Variants in ZNF521 observed in about 807,000 individuals in gnomAD.
The protein encoded by ZNF521 is LYST-interacting protein 3.
A neutral mutation model predicts 105.5 loss-of-function variants in ZNF521; 14 were observed. The ratio of observed to expected loss-of-function variants is 0.13; its 90% CI spans 0.09 to 0.21. The LOEUF is 0.21. Among genes scored for constraint, ZNF521 ranks in the 10% least tolerant of loss-of-function variants. The pLI is 1.00. For synonymous variants in ZNF521, 635 were observed against 606.0 expected, an observed-to-expected ratio of 1.05 and a Z score of -0.70; for missense variants, 1,233 against 1,629.7, an observed-to-expected ratio of 0.76 and a Z score of 4.19.
chr18:25,226,427 T>C lies in ZNF521; in HGVS notation c.1491A>G (p.Arg497=), dbSNP rs1906135098. The change falls in exon 4 of 8, where the codon CGA becomes CGG. Residue 497 remains arginine (R), a synonymous_variant. Transcript: ENST00000361524. This position sits in a 1 kb window ranked among gnomAD's most constrained non-coding sequence, Gnocchi z 4.1. Reference sequence around the variant, plus strand: ...CAGGGTTTGCAAATCCATGAGAACATCGGATGTGTTCCTGAAGAGTGTTGA... The same window carrying C: ...CAGGGTTTGCAAATCCATGAGAACACCGGATGTGTTCCTGAAGAGTGTTGA... The part of the protein sequence containing the change: ...NDLNTLQEHI[R]CSHGFANPAA... 2 of 1,613,932 alleles carry C rather than the reference T, an allele frequency of 1.2e-6. No homozygotes were observed. Among genetic ancestry groups the C allele is most frequent in the Non-Finnish European group, 1.7e-6 (2 of 1,180,002 alleles).
intron 5 of ZNF521, among the ~76,000 whole-genome samples, chr18:25,146,021 TA>T (rs11314296): frequency 0.25 from 37,892 of 151,946 alleles, 5,672 homozygotes; most frequent in Non-Finnish European, 0.33. Flanking sequence ...GCATGGTGCT[TA>T]ATGTTTTTAA....
chr18:25,301,930 T>C (rs1228361012), intron 3 of ZNF521: 1 of 152,212 alleles, frequency 6.6e-6, no homozygotes, highest in African/African-American at 2.4e-5. Context: ...TGATTCATTA[T>C]TGATTTCACC....
At chr18:25,213,081 C>T (rs911856114) in intron 4 of ZNF521, among the ~76,000 whole-genome samples, 2 of 151,030 alleles carry the variant, frequency 1.3e-5, no homozygotes, top group African/African-American at 2.4e-5. Context: ...CTACATCACC[C>T]AGCATGCCTT....
intron 7 of ZNF521, among the ~76,000 whole-genome samples, chr18:25,069,211 T>G (rs1212975436): frequency 6.6e-6 from 1 of 152,186 alleles, no homozygotes; most frequent in Non-Finnish European, 1.5e-5. Flanking sequence ...CCTCTCTCCT[T>G]TTCATTCCCA....
At chr18:25,334,338 C>T (rs1913755161) in intron 2 of ZNF521, among the ~76,000 whole-genome samples, 1 of 152,092 alleles carries the variant, frequency 6.6e-6, no homozygotes, top group African/African-American at 2.4e-5. Flanking sequence ...ATTATTTCTA[C>T]ATCTTGATTT....
At chr18:25,312,912 G>C (rs1912398339) in intron 3 of ZNF521, among the ~76,000 whole-genome samples, 1 of 151,878 alleles carries the variant, frequency 6.6e-6, no homozygotes, top group Non-Finnish European at 1.5e-5. Flanking sequence ...TGGGAGCCCT[G>C]ACAGTTGAAC....
At chr18:25,287,323 G>A (rs557708010) in intron 3 of ZNF521, among the ~76,000 whole-genome samples, 2 of 152,276 alleles carry the variant, frequency 1.3e-5, no homozygotes, top group South Asian at 2.1e-4. Flanking sequence ...ACTCTTAAGC[G>A]CTCTTCCTGC....
intron 3 of ZNF521, among the ~76,000 whole-genome samples, chr18:25,314,437 G>C (rs1912493861): frequency 6.6e-6 from 1 of 152,152 alleles, no homozygotes; most frequent in African/African-American, 2.4e-5. Context: ...AAAGTTTTCA[G>C]CTTACAAAAA....
chr18:25,252,260 T>C (rs1256026961), intron 3 of ZNF521, among the ~76,000 whole-genome samples: 1 of 152,102 alleles, frequency 6.6e-6, no homozygotes, highest in African/African-American at 2.4e-5. Flanking sequence ...CCAAACTCAT[T>C]TTTAATTAAA....
chr18:25,174,459 ATAAAT>A (rs2035501378), intron 5 of ZNF521, among the ~76,000 whole-genome samples: 1 of 152,220 alleles, frequency 6.6e-6, no homozygotes, highest in African/African-American at 2.4e-5. Flanking sequence ...TCAAGCTAGT[ATAAAT>A]AATGAACTGC....
chr18:25,338,259 T>TTTTGTGTGTGTGTGTGTGTGTG (rs1555666852), intron 2 of ZNF521, among the ~76,000 whole-genome samples: 1 of 136,510 alleles, frequency 7.3e-6, no homozygotes, highest in East Asian at 2.3e-4. Context: ...TCATAGACTT[T>TTTTGTGTGTGTGTGTGTGTGTG]TGTGTGTGTG....
chr18:25,322,084 G>A lies in ZNF521; in HGVS notation c.144C>T (p.Ser48=). The A allele has an allele frequency of 6.2e-7, 1 of 1,614,178 alleles. No individual in the cohort carries two copies. The highest frequency in any genetic ancestry group is 1.1e-5 in the South Asian group (1 of 91,084). ...CAAACACCTGGAGGCAGCTGTCACA[G>A]CTGTGCACAGCTTCGTCTTCCAACT... ...GEELEDEAVH[S]CDSCLQVFES... is the part of the protein sequence containing the mutation. Residue 48 remains serine (S), a synonymous_variant, in exon 3 of 8, where the codon AGC becomes AGT. Transcript: ENST00000361524.
chr18:25,234,013 C>A (rs1021988814), intron 3 of ZNF521, among the ~76,000 whole-genome samples: 1 of 152,148 alleles, frequency 6.6e-6, no homozygotes, highest in Non-Finnish European at 1.5e-5. Context: ...AAAAAGCTGA[C>A]GTGAAACCAG....
chr18:25,237,864 T>C (rs1254765406), intron 3 of ZNF521, among the ~76,000 whole-genome samples: 2 of 152,192 alleles, frequency 1.3e-5, no homozygotes, highest in African/African-American at 2.4e-5. Context: ...GTGAATGTGA[T>C]TGAAGCCTAC....
chr18:25,127,088 T>A (rs577095850), intron 5 of ZNF521, among the ~76,000 whole-genome samples: 2 of 152,034 alleles, frequency 1.3e-5, no homozygotes, highest in South Asian at 4.2e-4. Flanking sequence ...TATTAATGAG[T>A]GATTGGGCTG....
chr18:25,188,194 C>T (rs1431648312), intron 5 of ZNF521, among the ~76,000 whole-genome samples: 3 of 152,182 alleles, frequency 2.0e-5, no homozygotes, highest in South Asian at 2.1e-4. Flanking sequence ...GGGCCACAGG[C>T]GCCATCCTGA....
intron 3 of ZNF521, among the ~76,000 whole-genome samples, chr18:25,309,952 T>C (rs1309164392): frequency 2.0e-5 from 3 of 152,226 alleles, no homozygotes; most frequent in Non-Finnish European, 4.4e-5. Flanking sequence ...TAAATTTTTT[T>C]AACAATGACA....
Position 25,226,401 on chromosome 18 carries a change from G to C in ZNF521, c.1517C>G (p.Ala506Gly), listed in dbSNP as rs866818622. 3.7e-6 allele frequency: 6 copies of C among 1,614,034 alleles called. No individual in the cohort carries two copies. The Admixed American group carries it at 1.0e-4, about 27-fold the overall frequency. ...AAAGAATGCATTACTATCTTTAGCT[G>C]CAGGGTTTGCAAATCCATGAGAACA... ...IRCSHGFANP[A>G]AKDSNAFFCP... is the part of the protein sequence containing the mutation. The change falls in exon 4 of 8, where the codon GCA becomes GGA. Residue 506 changes from alanine to glycine, a missense_variant. Ala to Gly is a moderately conservative substitution (Grantham distance 60). Around this residue, in one of 6 missense-constraint regions of ZNF521, gnomAD observed 380 missense variants for 478.0 expected, o/e 0.80. Transcript: ENST00000361524. The surrounding 1 kb of genome is among the most constrained non-coding windows in gnomAD (Gnocchi z 4.1).
At chr18:25,282,022 CTT>C (rs1910413256) in intron 3 of ZNF521, among the ~76,000 whole-genome samples, 2 of 152,048 alleles carry the variant, frequency 1.3e-5, no homozygotes, top group South Asian at 4.1e-4. Context: ...TGAAAATACT[CTT>C]TGCACCCTTC....
Sources: allele counts gnomAD v4.1 joint callset (sites outside exome capture counted in the v4.1 genomes callset), GRCh38; gene constraint gnomAD v4.1.1; regional missense constraint gnomAD v4.1.1; non-coding constraint Gnocchi (gnomAD v3.1); transcripts MANE v1.5; gene names NCBI Gene and HGNC (gene_info 2026-07-23, HGNC 2026-07-21).